USP10: variants seen among roughly 807,000 people sequenced by gnomAD.
USP10 encodes the protein ubiquitin carboxyl-terminal hydrolase 10.
In USP10, 22 loss-of-function variants were observed where a neutral mutation model predicts 84.5. The observed-to-expected ratio is 0.26, with a 90% CI of 0.19 to 0.37. The LOEUF (loss-of-function observed/expected upper bound fraction) is 0.37, where lower values mean the gene tolerates loss of function less well. Among genes scored for constraint, USP10 ranks in the 10% least tolerant of loss-of-function variants. The pLI is 1.00. For missense variants in USP10, 1,019 were observed against 998.9 expected (o/e 1.02, Z -0.27); for synonymous variants, 454 against 387.6 (o/e 1.17, Z -2.01).
rs575514076 is a variant in USP10, at chr16:84,704,663, A to G, written c.21+4552A>G. On this transcript the variant is annotated intron_variant, in intron 1 of 13. Coordinates refer to ENST00000219473, the MANE Select transcript of USP10 (RefSeq NM_005153.3). ...TGTTTCAAGGATCAGAAAATGTAGA[A>G]TTTATCATAAACCTCGATGTAGAAT... 2.8e-6 allele frequency: 4 copies of G among 1,439,972 alleles called. No homozygotes were observed. The South Asian group carries it at 4.4e-5, about 16-fold the overall frequency. The allele number at this position is 1,439,972 out of a possible 1,614,324, so 89.2% of individuals were successfully genotyped here. A position where few individuals can be genotyped will look rare whatever the true frequency, so the allele number is the denominator to read the frequency against.
intron 1 of USP10, among the ~76,000 whole-genome samples, chr16:84,724,333 G>A (rs960143999): frequency 3.3e-5 from 5 of 152,022 alleles, no homozygotes; most frequent in Admixed American, 1.3e-4. Flanking sequence ...ATTTTAGCTC[G>A]GAATCTCCAT....
At chr16:84,775,440 C>G (rs1914904916) in intron 13 of USP10, among the ~76,000 whole-genome samples, 1 of 152,196 alleles carries the variant, frequency 6.6e-6, no homozygotes, top group African/African-American at 2.4e-5. Flanking sequence ...TAACAGAAGA[C>G]CTTGCTCAAA....
intron 1 of USP10, among the ~76,000 whole-genome samples, chr16:84,720,099 C>T (rs1470545327): frequency 2.0e-5 from 3 of 152,146 alleles, no homozygotes; most frequent in African/African-American, 7.2e-5. Context: ...AATGTAAGTA[C>T]TTCTTATTAG....
At chr16:84,732,986 A>T in intron 1 of USP10, 1 of 426,892 alleles carries the variant, frequency 2.3e-6, no homozygotes, top group Non-Finnish European at 4.6e-6. Context: ...AATCAGGATC[A>T]TTAACATTTT....
chr16:84,719,110 G>T (rs1171717117), intron 1 of USP10, among the ~76,000 whole-genome samples: 1 of 152,070 alleles, frequency 6.6e-6, no homozygotes, highest in Non-Finnish European at 1.5e-5. Flanking sequence ...TGTTGTTGTT[G>T]TTGTTGTTTT....
chr16:84,745,251 C>A lies in USP10; in HGVS notation c.770C>A (p.Ala257Glu). Residue 257 changes from alanine to glutamate, a missense_variant, in exon 4 of 14, where the codon GCA becomes GAA. Around this residue, in one of 2 missense-constraint regions of USP10, gnomAD observed 787 missense variants for 708.8 expected, o/e 1.11. Transcript: ENST00000219473. ...GADFGQSCFPAEAGRDTLSRT... is the reference protein window; with the variant it reads ...GADFGQSCFPEEAGRDTLSRT... Reference sequence around the variant, plus strand: ...GATTTTGGTCAGTCCTGCTTCCCTGCAGAGGCTGGCAGAGACACCCTGTCA... The same window carrying A: ...GATTTTGGTCAGTCCTGCTTCCCTGAAGAGGCTGGCAGAGACACCCTGTCA... 6.2e-7 allele frequency: 1 copy of A among 1,613,424 alleles called. No individual in the cohort carries two copies. Among genetic ancestry groups the A allele is most frequent in the Non-Finnish European group, 8.5e-7 (1 of 1,179,674 alleles).
At chr16:84,772,498 A>C (rs370819796) in intron 11 of USP10, 43 bp from the exon 12 acceptor site, 1 of 1,608,822 alleles carries the variant, frequency 6.2e-7, no homozygotes, top group South Asian at 1.1e-5. Flanking sequence ...AGCTGTTGCA[A>C]GTAAGACAGG....
rs1233061613 is a variant in USP10 at position 84,775,189 on chromosome 16, A to C, written c.2173A>C (p.Asn725His). Residue 725 changes from asparagine (N) to histidine (H), a missense_variant, in exon 13 of 14, where the codon AAT becomes CAT. Asn to His is a moderately conservative substitution (Grantham distance 68). Transcript: ENST00000219473. ...GCTTTCTCCAGGGGTTAAAAATAAGAATTTTAAATGCCACCGAACCTATCG... is the reference window on the plus strand; with the variant it reads ...GCTTTCTCCAGGGGTTAAAAATAAGCATTTTAAATGCCACCGAACCTATCG... ...ELLSPGVKNK[N>H]FKCHRTYRLF... is the part of the protein sequence containing the mutation. 1 of 1,613,714 alleles carries C rather than the reference A, an allele frequency of 6.2e-7. No individual in the cohort carries two copies. Among genetic ancestry groups the C allele is most frequent in the African/African-American group, 1.3e-5 (1 of 74,934 alleles).
chr16:84,726,114 C>G (rs1470965309), intron 1 of USP10, among the ~76,000 whole-genome samples: 3 of 152,242 alleles, frequency 2.0e-5, no homozygotes, highest in East Asian at 1.9e-4. Flanking sequence ...CTATTTCTAT[C>G]AGTCCTTTTG....
chr16:84,725,159 A>G (rs1368075045), intron 1 of USP10, among the ~76,000 whole-genome samples: 6 of 152,180 alleles, frequency 3.9e-5, no homozygotes, highest in Non-Finnish European at 5.9e-5. Context: ...CATCCCCAAA[A>G]GAAAGCTCAT....
intron 1 of USP10, among the ~76,000 whole-genome samples, chr16:84,724,535 A>G (rs1301800860): frequency 1.3e-5 from 2 of 152,190 alleles, no homozygotes; most frequent in Non-Finnish European, 2.9e-5. Context: ...TAGTTTGTCT[A>G]CTTTGTTCGC....
chr16:84,722,626 A>G (rs1012777346), intron 1 of USP10, among the ~76,000 whole-genome samples: 12 of 152,006 alleles, frequency 7.9e-5, no homozygotes, highest in African/African-American at 2.7e-4. Context: ...CAGTGGTGTG[A>G]TCTTGGCTCA....
rs776677299 is a variant in USP10 at position 84,775,144 on chromosome 16, A to G, written c.2144-16A>G. On this transcript the variant is annotated splice_polypyrimidine_tract_variant and intron_variant, in intron 12 of 13. Coordinates refer to ENST00000219473, the MANE Select transcript of USP10 (RefSeq NM_005153.3). ...TTTCTAAAAGTGCTTCAAGCCATTG[A>G]TATTTTGTTTTCCAGAACTGCTTTC... 11 of 1,613,104 alleles carry G rather than the reference A, an allele frequency of 6.8e-6. No homozygotes were observed. The highest frequency in any genetic ancestry group is 4.4e-5 in the South Asian group (4 of 91,062).
intron 1 of USP10, among the ~76,000 whole-genome samples, chr16:84,719,888 C>G (rs988800365): frequency 1.3e-5 from 2 of 152,352 alleles, no homozygotes; most frequent in Admixed American, 6.5e-5. Flanking sequence ...ACTGAGACAG[C>G]AAACAGTGGA....
intron 1 of USP10, among the ~76,000 whole-genome samples, chr16:84,702,558 C>G (rs1165383340): frequency 6.6e-6 from 1 of 152,048 alleles, no homozygotes; most frequent in African/African-American, 2.4e-5. Context: ...GATTGTTTAT[C>G]AGATATTAAG....
chr16:84,707,860 C>G (rs1022589233), intron 1 of USP10, among the ~76,000 whole-genome samples: 2 of 152,022 alleles, frequency 1.3e-5, no homozygotes, highest in Non-Finnish European at 1.5e-5. Context: ...AGGCGAATCA[C>G]TCAAGCTCAG....
At chr16:84,768,005 A>G (rs1914046976) in intron 10 of USP10, among the ~76,000 whole-genome samples, 188 bp from the exon 11 acceptor site, 2 of 152,134 alleles carry the variant, frequency 1.3e-5, no homozygotes. Flanking sequence ...GCCTTCAAGC[A>G]TCTGTTTAAC....
chr16:84,764,025 C>CT (rs576095842), intron 9 of USP10, 61 bp from the exon 10 acceptor site: 23,862 of 1,207,448 alleles, frequency 0.02, 16 homozygotes, highest in Middle Eastern at 0.029. Context: ...AGATCTGTGC[C>CT]TTTTTTTTTT....
At chr16:84,737,980 T>G (rs1471008918) in intron 2 of USP10, among the ~76,000 whole-genome samples, 4 of 152,246 alleles carry the variant, frequency 2.6e-5, no homozygotes, top group African/African-American at 9.6e-5. Flanking sequence ...TGCTGGGGTT[T>G]TCTTCTGCAT....
Sources: gnomAD v4.1 joint callset for allele counts (sites outside exome capture counted in the v4.1 genomes callset) on GRCh38, gnomAD v4.1.1 for gene constraint, gnomAD v4.1.1 regional missense constraint, MANE v1.5 for transcripts, NCBI Gene and HGNC (gene_info 2026-07-23, HGNC 2026-07-21) for gene names.